Variants in IREB2 observed in about 807,000 individuals in gnomAD.
The protein encoded by IREB2 is iron responsive element binding protein 2.
Under a neutral mutation model 118.8 loss-of-function variants are expected in IREB2, and 39 were observed. That is an observed-to-expected ratio of 0.33 (90% CI 0.25 to 0.43). The LOEUF (loss-of-function observed/expected upper bound fraction) is 0.43. Among genes scored for constraint, IREB2 ranks in the 20% least tolerant of loss-of-function variants. The pLI, the probability that IREB2 is intolerant of heterozygous loss-of-function variation, is 1.00. For missense variants in IREB2, 900 were observed against 1,147.3 expected (o/e 0.78, Z 3.11); for synonymous variants, 372 against 392.2 (o/e 0.95, Z 0.61).
chr15:78,439,936 A>C (rs1020091421), intron 2 of IREB2, 55 bp downstream of exon 2: 2 of 1,083,504 alleles, frequency 1.8e-6, no homozygotes, highest in African/African-American at 3.1e-5. Context: ...ATGAAAATGC[A>C]TTTGTCAAGC....
chr15:78,490,888 G>C (rs991224281), intron 18 of IREB2, 127 bp downstream of exon 18: 2 of 741,348 alleles, frequency 2.7e-6, no homozygotes, highest in Admixed American at 2.5e-5. Flanking sequence ...CTGCCAATGT[G>C]TTTGTCTTAA....
Position 78,499,223 on chromosome 15 carries a change from G to A in IREB2, c.*1080G>A, listed in dbSNP as rs1225561270. On this transcript the variant is annotated 3_prime_UTR_variant, in exon 22 of 22. Transcript: ENST00000258886. ...GTTACTGTTTTAACCAAAGCTGACC[G>A]TAAGGATAAAACACTTAAGTTGTTG... 7 of 152,242 alleles carry A rather than the reference G, an allele frequency of 4.6e-5. No homozygotes were observed. In the South Asian group the frequency reaches 1.0e-3, roughly 23 times the overall value. 9.4% of individuals were successfully genotyped at this position (152,242 alleles called of 1,614,324 possible). A position where few individuals can be genotyped will look rare whatever the true frequency, so the allele number is the denominator to read the frequency against.
At chr15:78,472,608 C>T (rs1163959451) in intron 7 of IREB2, among the ~76,000 whole-genome samples, 2 of 152,162 alleles carry the variant, frequency 1.3e-5, no homozygotes, top group Non-Finnish European at 2.9e-5. Flanking sequence ...CTTAAGTGAT[C>T]CACCCACCTC....
intron 2 of IREB2, among the ~76,000 whole-genome samples, chr15:78,458,146 G>A (rs1261539065): frequency 6.6e-6 from 1 of 152,072 alleles, no homozygotes; most frequent in Non-Finnish European, 1.5e-5. Context: ...GTAAATACAG[G>A]CTTTGAATCT....
At chr15:78,439,930 A>C (rs772685040) in intron 2 of IREB2, 49 bp downstream of exon 2, 1 of 1,133,144 alleles carries the variant, frequency 8.8e-7, no homozygotes, top group Non-Finnish European at 1.3e-6. Context: ...CTAATAATGA[A>C]AATGCATTTG....
At chr15:78,477,454 G>A (rs886938227) in intron 9 of IREB2, among the ~76,000 whole-genome samples, 1 of 152,190 alleles carries the variant, frequency 6.6e-6, no homozygotes. Flanking sequence ...TGAGGACTTA[G>A]GTAAGTCTAT....
At chr15:78,445,143 T>A (rs983605035) in intron 2 of IREB2, among the ~76,000 whole-genome samples, 36 of 151,362 alleles carry the variant, frequency 2.4e-4, no homozygotes, top group African/African-American at 3.9e-4. Flanking sequence ...TTTATTTTTT[T>A]TTTTTTTTTT....
chr15:78,473,986 C>T (rs947878590), intron 8 of IREB2: 7 of 152,030 alleles, frequency 4.6e-5, no homozygotes, highest in African/African-American at 1.7e-4. Context: ...TTTCTGTTGC[C>T]GTTTTAACAT....
chr15:78,479,330 TTA>T, intron 10 of IREB2, among the ~76,000 whole-genome samples: 1 of 152,150 alleles, frequency 6.6e-6, no homozygotes, highest in Middle Eastern at 3.4e-3. Flanking sequence ...GTTTTATTCA[TTA>T]ATTTTACATA....
At chr15:78,467,667 G>GACT (rs2051306660) in intron 5 of IREB2, among the ~76,000 whole-genome samples, 1 of 151,960 alleles carries the variant, frequency 6.6e-6, no homozygotes, top group Admixed American at 6.6e-5. Flanking sequence ...TCCAGCCTGG[G>GACT]TGACAGAGCA....
At chr15:78,474,770 C>A (rs2051436395) in intron 8 of IREB2, 1 of 152,022 alleles carries the variant, frequency 6.6e-6, no homozygotes, top group Non-Finnish European at 1.5e-5. Context: ...AAAATAAAAC[C>A]ATAGGCCGGG....
chr15:78,439,958 A>G (rs1411771201), intron 2 of IREB2, 77 bp downstream of exon 2: 2 of 872,268 alleles, frequency 2.3e-6, no homozygotes, highest in Middle Eastern at 4.3e-4. Flanking sequence ...GAGCTGAAGA[A>G]ATTTTAAATG....
In IREB2 at chr15:78,483,300, C is replaced by G. The variant is rs1361988376; in HGVS notation, c.1297-18C>G. 6.1e-6 allele frequency: 7 copies of G among 1,154,140 alleles called. No individual in the cohort carries two copies. The highest frequency in any genetic ancestry group is 9.1e-6 in the Non-Finnish European group (7 of 766,524). 71.5% of individuals were successfully genotyped at this position (1,154,140 alleles called of 1,614,324 possible). A position where few individuals can be genotyped will look rare whatever the true frequency, so the allele number is the denominator to read the frequency against. On this transcript the variant is annotated intron_variant, in intron 10 of 21. Coordinates refer to ENST00000258886, the MANE Select transcript of IREB2 (RefSeq NM_004136.4). ...AATTAATTCTAATTCCTTGTTCTTT[C>G]TCTTTCTCATTTCTTAGGTGATCCA... is the stretch of plus-strand genomic sequence containing the variant.
chr15:78,490,362 C>T (rs1028555237), intron 16 of IREB2, 60 bp from the exon 17 acceptor site: 1 of 1,057,888 alleles, frequency 9.5e-7, no homozygotes, highest in Non-Finnish European at 1.4e-6. Context: ...TTTTCATGCG[C>T]CTCTTTTTCT....
intron 2 of IREB2, among the ~76,000 whole-genome samples, chr15:78,451,253 AC>A (rs2051021025): frequency 6.6e-6 from 1 of 152,074 alleles, no homozygotes; most frequent in African/African-American, 2.4e-5. Context: ...GGTGTGAGCC[AC>A]CGTGCTCAGC....
chr15:78,487,945 T>C (rs1476602450), intron 14 of IREB2, 128 bp downstream of exon 14: 2 of 668,128 alleles, frequency 3.0e-6, no homozygotes, highest in Non-Finnish European at 5.0e-6. Context: ...AATAGTAACC[T>C]GTGAATCTTT....
Position 78,498,105 on chromosome 15 carries a change from G to A in IREB2, c.2854G>A (p.Gly952Arg). 6.2e-7 allele frequency: 1 copy of A among 1,612,046 alleles called. No individual in the cohort carries two copies. Among genetic ancestry groups the A allele is most frequent in the Non-Finnish European group, 8.5e-7 (1 of 1,178,210 alleles). ...TGTGGAAATAACATTATACAAACAT[G>A]GAGGATTATTAAACTTTGTGGCACG... ...DDVEITLYKH[G>R]GLLNFVARKF... Residue 952 changes from glycine to arginine, a missense_variant, in exon 22 of 22, where the codon GGA (glycine) becomes AGA (arginine). By Grantham distance (125) the Gly-to-Arg change is moderately radical. Coordinates refer to ENST00000258886, the MANE Select transcript of IREB2 (RefSeq NM_004136.4).
intron 8 of IREB2, chr15:78,474,114 A>G (rs2051425237): frequency 6.6e-6 from 1 of 152,208 alleles, no homozygotes; most frequent in Non-Finnish European, 1.5e-5. Flanking sequence ...CGGATTTCCT[A>G]GTGAACAATA....
intron 1 of IREB2, chr15:78,438,698 T>G: frequency 2.7e-6 from 1 of 372,110 alleles, no homozygotes; most frequent in Non-Finnish European, 5.0e-6. Flanking sequence ...CACCGTCTTC[T>G]CCTGCCCGCC....
Sources: gnomAD v4.1 joint callset for allele counts (sites outside exome capture counted in the v4.1 genomes callset) on GRCh38, gnomAD v4.1.1 for gene constraint, MANE v1.5 for transcripts, NCBI Gene and HGNC (gene_info 2026-07-23, HGNC 2026-07-21) for gene names.